The following FAM107B variants were observed in gnomAD, a reference collection of about 807,000 sequenced individuals.
FAM107B encodes protein FAM107B.
Under a neutral mutation model 31.5 loss-of-function variants are expected in FAM107B, and 21 were observed. The observed-to-expected ratio is 0.67, with a 90% CI of 0.47 to 0.96. The LOEUF is 0.96. Among genes scored for constraint, FAM107B ranks in the 40% least tolerant of loss-of-function variants. The pLI is 0.00. For missense variants in FAM107B, 452 were observed against 377.1 expected, an observed-to-expected ratio of 1.20 and a Z score of -1.64; for synonymous variants, 157 against 141.5, an observed-to-expected ratio of 1.11 and a Z score of -0.78.
chr10:14,561,880 G>T (rs1307256465), intron 2 of FAM107B, among the ~76,000 whole-genome samples: 1 of 152,130 alleles, frequency 6.6e-6, no homozygotes, highest in Non-Finnish European at 1.5e-5. Flanking sequence ...CGCCTCCAGG[G>T]TTCAAGGGAT....
intron 1 of FAM107B, among the ~76,000 whole-genome samples, chr10:14,741,096 T>C (rs1355522739): frequency 1.3e-5 from 2 of 152,048 alleles, no homozygotes; most frequent in Admixed American, 6.6e-5. Flanking sequence ...GGGCTCCCCA[T>C]GGCTTTGGGA....
chr10:14,760,561 C>CATATTG lies in FAM107B; in HGVS notation c.411+13691_411+13692insCAATAT, dbSNP rs1460687111. ...TAGCACTGGTCACATTAATGAGACA[C>CATATTG]CAAACTATATTAAGCATATTGCCAA... On this transcript the variant is annotated intron_variant, in intron 1 of 4. Transcript: ENST00000181796. 8.7e-3 allele frequency among the ~76,000 whole-genome samples: 1,326 copies of CATATTG among 152,166 alleles called. 17 individuals are homozygous for CATATTG. Among genetic ancestry groups the CATATTG allele is most frequent in the African/African-American group, 0.031 (1,271 of 41,492 alleles).
chr10:14,651,376 C>T (rs1315136613), intron 2 of FAM107B, among the ~76,000 whole-genome samples: 1 of 152,158 alleles, frequency 6.6e-6, no homozygotes, highest in Non-Finnish European at 1.5e-5. Context: ...GAGGCTGAGG[C>T]GGGCAGATCA....
intron 1 of FAM107B, among the ~76,000 whole-genome samples, chr10:14,751,537 C>T (rs1382123999): frequency 6.6e-6 from 1 of 151,490 alleles, no homozygotes; most frequent in Non-Finnish European, 1.5e-5. Context: ...GGGTCCAGCT[C>T]TGTCACCCAG....
At chr10:14,639,320 C>G (rs982807987) in intron 2 of FAM107B, among the ~76,000 whole-genome samples, 3 of 152,130 alleles carry the variant, frequency 2.0e-5, no homozygotes, top group Non-Finnish European at 4.4e-5. Flanking sequence ...CAAACAAGAC[C>G]AGCAACCTTA....
chr10:14,706,049 A>G (rs1470072541), intron 1 of FAM107B, among the ~76,000 whole-genome samples: 2 of 152,200 alleles, frequency 1.3e-5, no homozygotes, highest in Non-Finnish European at 2.9e-5. Context: ...ATTCTGATTT[A>G]CAACCCAGAC....
chr10:14,607,963 A>T (rs893982255), intron 2 of FAM107B, among the ~76,000 whole-genome samples: 10 of 152,222 alleles, frequency 6.6e-5, no homozygotes, highest in Admixed American at 2.0e-4. Flanking sequence ...TAGCTTGGAC[A>T]TCTGGAGATC....
intron 1 of FAM107B, among the ~76,000 whole-genome samples, chr10:14,767,678 A>G (rs1412422533): frequency 1.3e-5 from 2 of 152,212 alleles, no homozygotes; most frequent in African/African-American, 4.8e-5. Flanking sequence ...CCTCAACACA[A>G]TAAAGTTCAT....
chr10:14,662,013 A>G (rs1854253708), intron 2 of FAM107B, among the ~76,000 whole-genome samples: 1 of 152,196 alleles, frequency 6.6e-6, no homozygotes, highest in African/African-American at 2.4e-5. Context: ...GGAACTCTTA[A>G]GTATGGAAAA....
At chr10:14,691,224 G>A (rs1417409351) in intron 1 of FAM107B, among the ~76,000 whole-genome samples, 1 of 152,040 alleles carries the variant, frequency 6.6e-6, no homozygotes, top group East Asian at 1.9e-4. Context: ...TTTAATTTGG[G>A]GATCAGAAAA....
intron 1 of FAM107B, among the ~76,000 whole-genome samples, chr10:14,771,401 G>A (rs375592961): frequency 3.9e-5 from 6 of 152,208 alleles, no homozygotes; most frequent in African/African-American, 1.2e-4. Flanking sequence ...GAACAAATTC[G>A]AGTATTCGAT....
intron 1 of FAM107B, 135 bp downstream of exon 1, chr10:14,774,118 T>C: frequency 1.9e-6 from 2 of 1,059,796 alleles, no homozygotes; most frequent in African/African-American, 3.2e-5. Context: ...ACACACTTCT[T>C]CGCACTAGTG....
At chr10:14,709,872 A>G in intron 1 of FAM107B, among the ~76,000 whole-genome samples, 1 of 152,206 alleles carries the variant, frequency 6.6e-6, no homozygotes, top group East Asian at 1.9e-4. Context: ...TGAAAAGCGC[A>G]AAACTATGGA....
intron 2 of FAM107B, among the ~76,000 whole-genome samples, chr10:14,549,453 T>C (rs1849051029): frequency 6.6e-6 from 1 of 152,252 alleles, no homozygotes; most frequent in Non-Finnish European, 1.5e-5. Flanking sequence ...TTTCCATTTA[T>C]GTGAAGCCTC....
intron 2 of FAM107B, among the ~76,000 whole-genome samples, chr10:14,563,642 C>A (rs962910365): frequency 2.6e-5 from 4 of 152,164 alleles, no homozygotes; most frequent in Admixed American, 6.5e-5. Flanking sequence ...TCAGACACTA[C>A]CACTCATCAG....
At chr10:14,657,457 T>C (rs1227472315) in intron 2 of FAM107B, among the ~76,000 whole-genome samples, 2 of 152,122 alleles carry the variant, frequency 1.3e-5, no homozygotes, top group Non-Finnish European at 2.9e-5. Flanking sequence ...ACTAGGAGCA[T>C]ACCATTGCTG....
intron 1 of FAM107B, among the ~76,000 whole-genome samples, chr10:14,675,716 T>C (rs1042652757): frequency 6.6e-6 from 1 of 152,210 alleles, no homozygotes; most frequent in African/African-American, 2.4e-5. Flanking sequence ...TTATTTTTTC[T>C]CATTTCAAAT....
chr10:14,663,887 C>CAAAAAAAAAAA (rs3035297), intron 2 of FAM107B, among the ~76,000 whole-genome samples: 3 of 80,382 alleles, frequency 3.7e-5, no homozygotes, highest in African/African-American at 1.7e-4. Context: ...GATCATCAGC[C>CAAAAAAAAAAA]AAAAAAAAAA....
At chr10:14,737,766 T>TCTCTCTCTCTCTCTCTCTCTC (rs1856336376) in intron 1 of FAM107B, among the ~76,000 whole-genome samples, 2 of 127,050 alleles carry the variant, frequency 1.6e-5, no homozygotes, top group Admixed American at 7.9e-5. Flanking sequence ...CGTGCACGCT[T>TCTCTCTCTCTCTCTCTCTCTC]TCTCTCTCTC....
Sources: allele counts gnomAD v4.1 joint callset (sites outside exome capture counted in the v4.1 genomes callset), GRCh38; gene constraint gnomAD v4.1.1; transcripts MANE v1.5; gene names NCBI Gene and HGNC (gene_info 2026-07-23, HGNC 2026-07-21).